The following MCTP2 variants were observed in gnomAD, a reference collection of about 807,000 sequenced individuals.
MCTP2 encodes multiple C2 and transmembrane domain-containing protein 2.
Under a neutral mutation model 111.6 loss-of-function variants are expected in MCTP2, and 132 were observed. The ratio of observed to expected loss-of-function variants is 1.18; its 90% CI spans 1.03 to 1.37. The LOEUF (loss-of-function observed/expected upper bound fraction) is 1.37, where lower values mean the gene tolerates loss of function less well. Among genes scored for constraint, MCTP2 ranks in the 40% most tolerant of loss-of-function variants. The pLI is 0.00. For missense variants in MCTP2, 1,183 were observed against 1,067.9 expected, an observed-to-expected ratio of 1.11 and a Z score of -1.50; for synonymous variants, 395 against 387.7, an observed-to-expected ratio of 1.02 and a Z score of -0.22.
At chr15:94,272,459 AT>A (rs930673488) in intron 1 of MCTP2, among the ~76,000 whole-genome samples, 42 of 148,916 alleles carry the variant, frequency 2.8e-4, no homozygotes, top group Non-Finnish European at 4.6e-4. Context: ...CTTCAGCCCA[AT>A]TTTTTTTTTA....
Position 94,332,266 on chromosome 15 carries a change from GT to G in MCTP2, c.638-7019del, listed in dbSNP as rs553623380. Among the ~76,000 whole-genome samples the G allele has an allele frequency of 5.3e-5, 8 of 151,814 alleles. No individual in the cohort carries two copies. In the South Asian group the frequency reaches 1.7e-3, roughly 32 times the overall value. On this transcript the variant is annotated intron_variant, in intron 4 of 22. Coordinates refer to ENST00000357742, the MANE Select transcript of MCTP2 (RefSeq NM_001385001.1). ...CACCTGTTCAAAACTTAGAAACAAC[GT>G]TTTTATTTTTATTTTTTCTGGTGTC...
chr15:94,405,044 G>A (rs2081833925), intron 17 of MCTP2, among the ~76,000 whole-genome samples: 1 of 152,182 alleles, frequency 6.6e-6, no homozygotes, highest in South Asian at 2.1e-4. Context: ...AAGGTTTTAA[G>A]CCAAGGATTT....
chr15:94,465,125 TATTTG>T (rs2073154407), intron 20 of MCTP2, among the ~76,000 whole-genome samples: 1 of 152,140 alleles, frequency 6.6e-6, no homozygotes, highest in Non-Finnish European at 1.5e-5. Context: ...GAAGCTACAT[TATTTG>T]GTTTGTAGAT....
chr15:94,364,329 A>G (rs530063784), intron 10 of MCTP2, among the ~76,000 whole-genome samples: 2 of 152,308 alleles, frequency 1.3e-5, no homozygotes, highest in East Asian at 3.9e-4. Flanking sequence ...ACACCTGCCC[A>G]TAACAGGGAA....
At chr15:94,390,082 A>G (rs1423296656) in intron 14 of MCTP2, among the ~76,000 whole-genome samples, 248 of 11,044 alleles carry the variant, frequency 0.022, 3 homozygotes, top group South Asian at 0.037. Flanking sequence ...ATATATATAT[A>G]TATATATGTA....
rs1004786973 is a variant in MCTP2, at chr15:94,264,628, T to G, written c.-66+32964T>G. ...TCTGTCTCAAAAAAGAAAAAAAAAT[T>G]GTCTACTTGAAATGTCAGTCATTGA... On this transcript the variant is annotated intron_variant, in intron 1 of 22. Transcript: ENST00000357742. 3.8e-4 allele frequency among the ~76,000 whole-genome samples: 57 copies of G among 151,858 alleles called. 1 individual carries two copies. Among genetic ancestry groups the G allele is most frequent in the Admixed American group, 3.7e-3 (57 of 15,242 alleles).
intron 1 of MCTP2, among the ~76,000 whole-genome samples, chr15:94,261,283 C>T (rs2073164119): frequency 6.6e-6 from 1 of 152,218 alleles, no homozygotes; most frequent in Admixed American, 6.5e-5. Flanking sequence ...GTCATAGGTG[C>T]ATCTTTAACC....
intron 1 of MCTP2, among the ~76,000 whole-genome samples, chr15:94,264,375 G>C (rs533805182): frequency 6.6e-6 from 1 of 152,184 alleles, no homozygotes; most frequent in Non-Finnish European, 1.5e-5. Context: ...TTGGGAGGCC[G>C]AGGCGGGTGG....
chr15:94,257,925 G>A (rs1359834953), intron 1 of MCTP2, among the ~76,000 whole-genome samples: 4 of 151,306 alleles, frequency 2.6e-5, no homozygotes, highest in Non-Finnish European at 5.9e-5. Context: ...TGCCGCCCAG[G>A]CTGGGGTGCA....
At chr15:94,386,044 A>G (rs1181353684) in intron 14 of MCTP2, among the ~76,000 whole-genome samples, 1 of 152,244 alleles carries the variant, frequency 6.6e-6, no homozygotes, top group Non-Finnish European at 1.5e-5. Context: ...GGAAGAAAGC[A>G]GAGGGCCTTT....
chr15:94,416,745 A>G (rs770052283), intron 17 of MCTP2, among the ~76,000 whole-genome samples: 1 of 152,148 alleles, frequency 6.6e-6, no homozygotes, highest in Non-Finnish European at 1.5e-5. Context: ...GAATTCTGTT[A>G]TGAAGGAGGA....
intron 10 of MCTP2, among the ~76,000 whole-genome samples, chr15:94,359,631 G>A (rs1280346859): frequency 6.6e-6 from 1 of 152,092 alleles, no homozygotes; most frequent in Non-Finnish European, 1.5e-5. Context: ...TTTGCAGAAA[G>A]GGTTTTGTTG....
At chr15:94,343,064 T>A (rs942711370) in intron 7 of MCTP2, 14 of 150,784 alleles carry the variant, frequency 9.3e-5, no homozygotes, top group Admixed American at 6.6e-4. Context: ...ATATAACATA[T>A]ATATATATAA....
chr15:94,292,497 A>G (rs2075078691), intron 1 of MCTP2, among the ~76,000 whole-genome samples: 1 of 152,212 alleles, frequency 6.6e-6, no homozygotes, highest in South Asian at 2.1e-4. Context: ...AATTGGAAAC[A>G]AAAATGAAAA....
At chr15:94,461,430 A>G (rs940697068) in intron 20 of MCTP2, among the ~76,000 whole-genome samples, 1 of 152,212 alleles carries the variant, frequency 6.6e-6, no homozygotes, top group Non-Finnish European at 1.5e-5. Flanking sequence ...ACCACACTAC[A>G]GCCTGGGCAA....
chr15:94,322,453 C>T (rs1212635531), intron 4 of MCTP2, among the ~76,000 whole-genome samples: 1 of 152,048 alleles, frequency 6.6e-6, no homozygotes, highest in Non-Finnish European at 1.5e-5. Context: ...GCTTTATGGG[C>T]TATAAGTGAA....
intron 1 of MCTP2, among the ~76,000 whole-genome samples, chr15:94,292,477 G>A (rs932081629): frequency 1.3e-4 from 20 of 152,102 alleles, no homozygotes; most frequent in African/African-American, 4.8e-4. Flanking sequence ...TGTTTATGCT[G>A]AAAATACACA....
In MCTP2 at chr15:94,340,935, C is replaced by A. The variant is rs756121001; in HGVS notation, c.969+11C>A. On this transcript the variant is annotated intron_variant, in intron 7 of 22. Transcript: ENST00000357742. ...GATTTCAAGAGACACGTAAGTGGGACCTTCTATTCTTTTGAAACCTCTCAT... is the reference window on the plus strand; with the variant it reads ...GATTTCAAGAGACACGTAAGTGGGAACTTCTATTCTTTTGAAACCTCTCAT... 12 of 1,526,198 alleles carry A rather than the reference C, an allele frequency of 7.9e-6. No homozygotes were observed. In the East Asian group the frequency reaches 1.6e-4, roughly 20 times the overall value. The allele number at this position is 1,526,198 out of a possible 1,614,324, so 94.5% of individuals were successfully genotyped here.
At chr15:94,361,872 T>A (rs2078960683) in intron 10 of MCTP2, among the ~76,000 whole-genome samples, 1 of 152,190 alleles carries the variant, frequency 6.6e-6, no homozygotes, top group East Asian at 1.9e-4. Flanking sequence ...TAGTGGTTGC[T>A]TATGTGTAGA....
Sources: allele counts gnomAD v4.1 joint callset (sites outside exome capture counted in the v4.1 genomes callset), GRCh38; gene constraint gnomAD v4.1.1; transcripts MANE v1.5; gene names NCBI Gene and HGNC (gene_info 2026-07-23, HGNC 2026-07-21).